Variants in TMEM217B observed in about 807,000 individuals in gnomAD.
TMEM217B encodes the protein transmembrane protein 217B.
At chr6:37,256,706 C>CA in the TMEM217B span, among the ~76,000 whole-genome samples, 1 of 126,916 alleles carries the variant, frequency 7.9e-6, no homozygotes, top group Non-Finnish European at 1.5e-5. Context: ...AAGTATTCTC[C>CA]AATATGTGGA....
chr6:37,219,479 G>A, the TMEM217B span, among the ~76,000 whole-genome samples: 1 of 152,310 alleles, frequency 6.6e-6, no homozygotes, highest in East Asian at 1.9e-4. Context: ...AGTGGCTCAT[G>A]CCTGTAATCC....
chr6:37,224,501 G>C, the TMEM217B span, among the ~76,000 whole-genome samples: 1 of 151,844 alleles, frequency 6.6e-6, no homozygotes, highest in Non-Finnish European at 1.5e-5. Context: ...GGGAGGCTGA[G>C]TCAGGAGAAT....
the TMEM217B span, among the ~76,000 whole-genome samples, chr6:37,222,371 G>A: frequency 2.0e-5 from 3 of 152,242 alleles, no homozygotes; most frequent in Non-Finnish European, 2.9e-5. Flanking sequence ...CTGGTGCCGG[G>A]ATTGGAGAGA....
At chr6:37,214,275 T>A in the TMEM217B span, among the ~76,000 whole-genome samples, 1 of 152,180 alleles carries the variant, frequency 6.6e-6, no homozygotes, top group Admixed American at 6.5e-5. Flanking sequence ...TCACCCAGGC[T>A]GGAGTGCAGT....
At chr6:37,227,285 T>C in the TMEM217B span, among the ~76,000 whole-genome samples, 8 of 152,338 alleles carry the variant, frequency 5.3e-5, no homozygotes, top group South Asian at 1.7e-3. Flanking sequence ...ATCTCTCATC[T>C]GAGTCATCTT....
the TMEM217B span, among the ~76,000 whole-genome samples, chr6:37,236,403 G>A: frequency 6.6e-6 from 1 of 152,138 alleles, no homozygotes; most frequent in African/African-American, 2.4e-5. Context: ...ATGAGCATGT[G>A]TATTTTTTTG....
the TMEM217B span, among the ~76,000 whole-genome samples, chr6:37,239,773 A>G: frequency 2.0e-5 from 3 of 146,882 alleles, no homozygotes; most frequent in African/African-American, 8.0e-5. Flanking sequence ...CGAACACATT[A>G]TAAAGCTTTA....
the TMEM217B span, among the ~76,000 whole-genome samples, chr6:37,257,036 T>A: frequency 6.6e-6 from 1 of 152,248 alleles, no homozygotes; most frequent in Non-Finnish European, 1.5e-5. Flanking sequence ...AGATACATCC[T>A]TAACTTTGTG....
the TMEM217B span, among the ~76,000 whole-genome samples, chr6:37,235,066 TTA>T: frequency 6.6e-6 from 1 of 152,330 alleles, no homozygotes; most frequent in South Asian, 2.1e-4. Flanking sequence ...TGCAAAATGG[TTA>T]AAGCTGGCAA....
the TMEM217B span, chr6:37,219,102 G>T: frequency 7.0e-7 from 1 of 1,435,604 alleles, no homozygotes; most frequent in Non-Finnish European, 9.5e-7. Flanking sequence ...AAATTACCAG[G>T]GTTTCTGCCT....
At chr6:37,233,204 C>T in the TMEM217B span, among the ~76,000 whole-genome samples, 3 of 151,380 alleles carry the variant, frequency 2.0e-5, no homozygotes, top group African/African-American at 7.3e-5. Flanking sequence ...GATATTAACA[C>T]TCTTCTACCC....
chr6:37,237,851 A>G, the TMEM217B span, among the ~76,000 whole-genome samples: 10,359 of 152,190 alleles, frequency 0.068, 1,148 homozygotes, highest in African/African-American at 0.23. Flanking sequence ...AGGACTTTAT[A>G]TAGATGCAAG....
chr6:37,228,241 AAAAG>A, the TMEM217B span, among the ~76,000 whole-genome samples: 8 of 152,194 alleles, frequency 5.3e-5, no homozygotes, highest in African/African-American at 1.9e-4. Flanking sequence ...AAAAAGAAAA[AAAAG>A]AAAGAAAAAG....
the TMEM217B span, among the ~76,000 whole-genome samples, chr6:37,231,932 G>A: frequency 6.6e-6 from 1 of 151,652 alleles, no homozygotes; most frequent in African/African-American, 2.4e-5. Context: ...CAGAATCTCA[G>A]TCCCTAGCCC....
At chr6:37,215,098 C>T in the TMEM217B span, 4 of 1,503,308 alleles carry the variant, frequency 2.7e-6, no homozygotes, top group Non-Finnish European at 3.6e-6. Context: ...TTGGTCTCCA[C>T]CCTCGGCACC....
chr6:37,218,535 T>C, the TMEM217B span: 8 of 1,614,038 alleles, frequency 5.0e-6, no homozygotes, highest in Non-Finnish European at 6.8e-6. Context: ...ATTCGTCTCT[T>C]GTAGGAAATT....
At chr6:37,238,142 T>C in the TMEM217B span, among the ~76,000 whole-genome samples, 1 of 145,256 alleles carries the variant, frequency 6.9e-6, no homozygotes, top group Admixed American at 7.3e-5. Flanking sequence ...TAATTGTATG[T>C]ATATAAAGTA....
chr6:37,248,812 T>C, the TMEM217B span, among the ~76,000 whole-genome samples: 1 of 152,200 alleles, frequency 6.6e-6, no homozygotes, highest in African/African-American at 2.4e-5. Flanking sequence ...TCCTAGGACT[T>C]CTCTGCAACA....
At chr6:37,254,844 C>A in the TMEM217B span, among the ~76,000 whole-genome samples, 2 of 152,122 alleles carry the variant, frequency 1.3e-5, no homozygotes, top group East Asian at 3.9e-4. Context: ...TCAGGGAAGA[C>A]AACTTTTCCA....
Sources: allele counts gnomAD v4.1 joint callset (sites outside exome capture counted in the v4.1 genomes callset), GRCh38; gene constraint gnomAD v4.1.1; transcripts MANE v1.5; gene names NCBI Gene and HGNC (gene_info 2026-07-23, HGNC 2026-07-21).